EMB: variants seen among roughly 807,000 people sequenced by gnomAD.
The protein encoded by EMB is embigin homolog.
Under a neutral mutation model 41.4 loss-of-function variants are expected in EMB, and 31 were observed. The observed-to-expected ratio is 0.75, with a 90% CI of 0.56 to 1.01. The LOEUF is 1.01. Among genes scored for constraint, EMB ranks in the 50% least tolerant of loss-of-function variants. The probability of loss-of-function intolerance (pLI) is 0.00; values close to 1 mark genes in which losing one functional copy is unlikely to be tolerated. For synonymous variants in EMB, 137 were observed against 140.4 expected (o/e 0.98, Z 0.17); for missense variants, 379 against 388.3 (o/e 0.98, Z 0.20).
chr5:50,429,636 C>G (rs371652099), intron 1 of EMB, among the ~76,000 whole-genome samples: 1 of 152,002 alleles, frequency 6.6e-6, no homozygotes, highest in African/African-American at 2.4e-5. Flanking sequence ...TGTATACCTA[C>G]GTAACAAACC....
intron 1 of EMB, among the ~76,000 whole-genome samples, chr5:50,429,302 T>C (rs1745675738): frequency 6.6e-6 from 1 of 152,214 alleles, no homozygotes. Context: ...AAGCTTATTA[T>C]TGTAAACTTG....
chr5:50,404,186 T>C (rs1444375882), intron 5 of EMB, among the ~76,000 whole-genome samples: 1 of 151,956 alleles, frequency 6.6e-6, no homozygotes, highest in Non-Finnish European at 1.5e-5. Context: ...CTTTTCCTGC[T>C]CCATCACTCA....
At chr5:50,413,219 T>C (rs1282041109) in intron 2 of EMB, among the ~76,000 whole-genome samples, 1 of 152,242 alleles carries the variant, frequency 6.6e-6, no homozygotes, top group Non-Finnish European at 1.5e-5. Context: ...ATAAACGTTC[T>C]CTTTATAGAA....
chr5:50,411,208 A>G lies in EMB; in HGVS notation c.372T>C (p.Tyr124=), dbSNP rs745635164. 1 of 1,611,482 alleles carries G rather than the reference A, an allele frequency of 6.2e-7. No individual in the cohort carries two copies. The highest frequency in any genetic ancestry group is 1.1e-5 in the South Asian group (1 of 90,620). The change falls in exon 3 of 9, where the codon TAT becomes TAC. Residue 124 remains tyrosine (Y), a synonymous_variant. Coordinates refer to ENST00000303221, the MANE Select transcript of EMB (RefSeq NM_198449.3). ...ATTTGTATACTCACCTGTATTGGGT[A>G]TACAAGGTGCTTCCTGTTGCACTGA... is the stretch of plus-strand genomic sequence containing the variant. ...YLVSATGSTL[Y]TQYRFTIINS...
chr5:50,405,877 T>C (rs1029559518), intron 4 of EMB, 25 bp from the exon 5 acceptor site: 1 of 1,565,184 alleles, frequency 6.4e-7, no homozygotes, highest in Non-Finnish European at 8.6e-7. Flanking sequence ...GAGAAATGTA[T>C]GTTACTGAAA....
chr5:50,423,690 A>G (rs2111833583), intron 2 of EMB, among the ~76,000 whole-genome samples: 1 of 152,298 alleles, frequency 6.6e-6, no homozygotes, highest in African/African-American at 2.4e-5. Context: ...ACTACCTGCC[A>G]GGGTCATTTT....
intron 4 of EMB, 21 bp from the exon 5 acceptor site, chr5:50,405,873 T>C (rs773032421): frequency 6.4e-7 from 1 of 1,566,784 alleles, no homozygotes; most frequent in African/African-American, 1.4e-5. Flanking sequence ...AATAGAGAAA[T>C]GTATGTTACT....
intron 4 of EMB, among the ~76,000 whole-genome samples, chr5:50,406,295 A>G (rs1302058252): frequency 6.6e-6 from 1 of 151,892 alleles, no homozygotes; most frequent in Non-Finnish European, 1.5e-5. Flanking sequence ...ATACTAATTT[A>G]TGAAAAGCCA....
chr5:50,427,076 T>G lies in EMB; in HGVS notation c.196+1068A>C, dbSNP rs1488916115. ...CCACCATCACTCACCAGTCAGAACTTGTTAGCTCCCAAAAACTTTGCTAGT... is the reference window on the plus strand; with the variant it reads ...CCACCATCACTCACCAGTCAGAACTGGTTAGCTCCCAAAAACTTTGCTAGT... On this transcript the variant is annotated intron_variant, in intron 2 of 8. Coordinates refer to ENST00000303221, the MANE Select transcript of EMB (RefSeq NM_198449.3). Among the ~76,000 whole-genome samples the G allele has an allele frequency of 3.3e-5, 5 of 152,132 alleles. No individual in the cohort carries two copies. The South Asian group carries it at 6.2e-4, about 19-fold the overall frequency.
At chr5:50,442,121 A>T (rs1305561369), upstream of EMB, among the ~76,000 whole-genome samples, 1 of 152,170 alleles carries the variant, frequency 6.6e-6, no homozygotes, top group Non-Finnish European at 1.5e-5. Flanking sequence ...AGATATTTTT[A>T]AAATTTTTCA....
chr5:50,421,466 C>T (rs964568196), intron 2 of EMB, among the ~76,000 whole-genome samples: 4 of 151,974 alleles, frequency 2.6e-5, no homozygotes, highest in African/African-American at 9.7e-5. Context: ...ACTAGTTCAA[C>T]CATTGTGGAA....
At chr5:50,411,174 T>C (rs572037849) in intron 3 of EMB, 23 bp downstream of exon 3, 1 of 1,565,002 alleles carries the variant, frequency 6.4e-7, no homozygotes, top group African/African-American at 1.4e-5. Context: ...GTGAGCAAGG[T>C]AGGTTAAAAT....
intron 2 of EMB, among the ~76,000 whole-genome samples, chr5:50,416,746 T>A (rs182165471): frequency 6.6e-6 from 1 of 152,036 alleles, no homozygotes; most frequent in South Asian, 2.1e-4. Context: ...CTGGACCAGA[T>A]TGAAGACTGA....
At chr5:50,399,510 G>T (rs1324548030) in intron 8 of EMB, among the ~76,000 whole-genome samples, 1 of 151,684 alleles carries the variant, frequency 6.6e-6, no homozygotes, top group Non-Finnish European at 1.5e-5. Flanking sequence ...AAATATATGG[G>T]AATAAATGAA....
intron 2 of EMB, among the ~76,000 whole-genome samples, chr5:50,424,451 G>T (rs1170705309): frequency 3.3e-5 from 5 of 152,140 alleles, no homozygotes. Context: ...AGAGAGGAAG[G>T]ATTTGAACAC....
At chr5:50,418,298 G>A (rs561953153) in intron 2 of EMB, among the ~76,000 whole-genome samples, 33 of 152,270 alleles carry the variant, frequency 2.2e-4, no homozygotes, top group African/African-American at 7.5e-4. Context: ...ACTATAGTGG[G>A]GACCACTGAT....
intron 2 of EMB, among the ~76,000 whole-genome samples, chr5:50,427,760 C>A (rs1745643765): frequency 1.3e-5 from 2 of 152,112 alleles, no homozygotes; most frequent in Admixed American, 1.3e-4. Context: ...CATTTGATAT[C>A]ATCTTTAATT....
At chr5:50,427,511 T>A (rs200078928) in intron 2 of EMB, among the ~76,000 whole-genome samples, 33 of 132,152 alleles carry the variant, frequency 2.5e-4, no homozygotes, top group Admixed American at 2.2e-3. Flanking sequence ...TATTATTATA[T>A]TATTATTATT....
chr5:50,441,350 G>T (rs926427973), upstream of EMB: 39 of 378,032 alleles, frequency 1.0e-4, no homozygotes, highest in African/African-American at 7.1e-4. Flanking sequence ...ACCGCGCCCG[G>T]CCCTCCATCA....
Sources: gnomAD v4.1 joint callset for allele counts (sites outside exome capture counted in the v4.1 genomes callset) on GRCh38, gnomAD v4.1.1 for gene constraint, MANE v1.5 for transcripts, NCBI Gene and HGNC (gene_info 2026-07-23, HGNC 2026-07-21) for gene names.